ZNF462: variants seen among roughly 807,000 people sequenced by gnomAD.
ZNF462 encodes the protein zinc finger PBX1-interacting protein.
Under a neutral mutation model 201.9 loss-of-function variants are expected in ZNF462, and 10 were observed. That is an observed-to-expected ratio of 0.05 (90% CI 0.03 to 0.08). ZNF462 has a LOEUF of 0.08. Among genes scored for constraint, ZNF462 ranks in the 10% least tolerant of loss-of-function variants. ZNF462 has a pLI of 1.00. For missense variants in ZNF462, 2,523 were observed against 3,168.3 expected (o/e 0.80, Z 4.89); for synonymous variants, 1,227 against 1,193.3 (o/e 1.03, Z -0.58).
Position 106,932,662 on chromosome 9 carries a change from C to G in ZNF462, c.6116+113C>G. ...AAGAAGGCCCCACTCATGGTTCACA[C>G]CTGCTGCTATGTTACCTGGAGCCTC... On this transcript the variant is annotated intron_variant, in intron 5 of 12. Transcript: ENST00000277225. This position sits in a 1 kb window ranked among gnomAD's most constrained non-coding sequence, Gnocchi z 6.8. The G allele has an allele frequency of 7.4e-7, 1 of 1,346,110 alleles. No homozygotes were observed. The highest frequency in any genetic ancestry group is 2.0e-5 in the Admixed American group (1 of 49,226). 83.4% of individuals were successfully genotyped at this position (1,346,110 alleles called of 1,614,324 possible). A position where few individuals can be genotyped will look rare whatever the true frequency, so the allele number is the denominator to read the frequency against.
At position 106,925,640 on chromosome 9, in the gene ZNF462, C is replaced by A; in HGVS notation, c.1728C>A (p.Pro576=). 1 of 1,613,690 alleles carries A rather than the reference C, an allele frequency of 6.2e-7. No individual in the cohort carries two copies. The highest frequency in any genetic ancestry group is 2.2e-5 in the East Asian group (1 of 44,856). ...PQLQPPHQVP[P]QPQTQPPPTQ... is the part of the protein sequence containing the mutation. ...TGCAGCCACCACATCAGGTGCCACC[C>A]CAGCCACAAACACAGCCACCACCAA... Residue 576 remains proline, a synonymous_variant, in exon 3 of 13, where the codon CCC becomes CCA. Transcript: ENST00000277225. This position sits in a 1 kb window ranked among gnomAD's most constrained non-coding sequence, Gnocchi z 7.9.
chr9:106,914,477 G>T (rs1031036565), intron 1 of ZNF462, among the ~76,000 whole-genome samples: 17 of 152,222 alleles, frequency 1.1e-4, no homozygotes, highest in Admixed American at 2.0e-4. Context: ...ATTACCGCTC[G>T]TTGGGACTAC....
chr9:106,980,488 G>T, intron 9 of ZNF462, among the ~76,000 whole-genome samples: 1 of 152,076 alleles, frequency 6.6e-6, no homozygotes, highest in Middle Eastern at 3.2e-3. Context: ...GTTGAATCTG[G>T]GCTCTGCAGT....
At chr9:106,955,074 T>C (rs1199774229) in intron 7 of ZNF462, among the ~76,000 whole-genome samples, 3 of 152,156 alleles carry the variant, frequency 2.0e-5, no homozygotes, top group East Asian at 1.9e-4. Context: ...AATGGACTCA[T>C]GGGCATTTGT....
At chr9:106,868,877 A>G (rs1328875193) in intron 1 of ZNF462, among the ~76,000 whole-genome samples, 1 of 152,180 alleles carries the variant, frequency 6.6e-6, no homozygotes, top group Non-Finnish European at 1.5e-5. Flanking sequence ...GGGCAGGAGT[A>G]TGGATTTTTC....
chr9:106,926,204 T>C lies in ZNF462; in HGVS notation c.2292T>C (p.Asp764=). The C allele has an allele frequency of 6.2e-7, 1 of 1,614,150 alleles. No homozygotes were observed. Among genetic ancestry groups the C allele is most frequent in the Non-Finnish European group, 8.5e-7 (1 of 1,180,024 alleles). The change falls in exon 3 of 13, where the codon GAT becomes GAC. Residue 764 remains aspartate, a synonymous_variant. Transcript: ENST00000277225. The surrounding 1 kb of genome is among the most constrained non-coding windows in gnomAD (Gnocchi z 7.9). ...CTGCCCAACAGATATGGGTAAGAGA[T>C]ACCAGTGAGCCCCAGAAAGAGCCCA... The part of the protein sequence containing the change: ...SFSAQQIWVR[D]TSEPQKEPNF...
At position 106,963,329 on chromosome 9, in the gene ZNF462, A is replaced by G. The variant is rs1235480459; in HGVS notation, c.6428-8676A>G. On this transcript the variant is annotated intron_variant, in intron 7 of 12. Transcript: ENST00000277225. This position sits in a 1 kb window ranked among gnomAD's most constrained non-coding sequence, Gnocchi z 4.7. Reference sequence around the variant, plus strand: ...ATAGCTCTGTGTTACACACTGTTTTAATAACTTAAAACAATATATATGTAT... The same window carrying G: ...ATAGCTCTGTGTTACACACTGTTTTGATAACTTAAAACAATATATATGTAT... Among the ~76,000 whole-genome samples the G allele has an allele frequency of 1.3e-5, 2 of 152,102 alleles. No homozygotes were observed. Among genetic ancestry groups the G allele is most frequent in the Non-Finnish European group, 2.9e-5 (2 of 67,980 alleles).
At position 106,935,055 on chromosome 9, in the gene ZNF462, A is replaced by C. The variant is rs1337585015; in HGVS notation, c.6117-448A>C. Among the ~76,000 whole-genome samples the C allele has an allele frequency of 1.3e-5, 2 of 152,242 alleles. No individual in the cohort carries two copies. The highest frequency in any genetic ancestry group is 3.8e-4 in the East Asian group (2 of 5,198). Reference sequence around the variant, plus strand: ...CACAATGAAAGTAGAATTAGAATTCAAAAAGAAAGTCAGCTCTTTTCAAAT... The same window carrying C: ...CACAATGAAAGTAGAATTAGAATTCCAAAAGAAAGTCAGCTCTTTTCAAAT... On this transcript the variant is annotated intron_variant, in intron 5 of 12. Coordinates refer to ENST00000277225, the MANE Select transcript of ZNF462 (RefSeq NM_021224.6). This position sits in a 1 kb window ranked among gnomAD's most constrained non-coding sequence, Gnocchi z 4.1.
intron 1 of ZNF462, among the ~76,000 whole-genome samples, chr9:106,921,812 C>G (rs1313092259): frequency 6.6e-6 from 1 of 152,226 alleles, no homozygotes; most frequent in Non-Finnish European, 1.5e-5. Context: ...ATAGCAACCT[C>G]TTCCACACAA....
In ZNF462 at chr9:106,930,866, T is replaced by C. The variant is rs1830395959; in HGVS notation, c.6012+177T>C. ...GCAGGTTGGACCTTCCTCATCTTTCTGTTCAGGGAAAGGTCGAGTTTCGAT... is the reference window on the plus strand; with the variant it reads ...GCAGGTTGGACCTTCCTCATCTTTCCGTTCAGGGAAAGGTCGAGTTTCGAT... On this transcript the variant is annotated intron_variant, in intron 4 of 12. Transcript: ENST00000277225. The surrounding 1 kb of genome is among the most constrained non-coding windows in gnomAD (Gnocchi z 5.8). 1 of 711,244 alleles carries C rather than the reference T, an allele frequency of 1.4e-6. No individual in the cohort carries two copies. Among genetic ancestry groups the C allele is most frequent in the South Asian group, 2.0e-5 (1 of 49,264 alleles). The allele number at this position is 711,244 out of a possible 1,614,324, so 44.1% of individuals were successfully genotyped here.
In ZNF462 at chr9:106,930,419, C is replaced by G; in HGVS notation, c.5848-106C>G. ...CGCCTATATCTCCCTTGGTTTTTAA[C>G]CTGCTAATCGGCTTTAAAATAAAGT... On this transcript the variant is annotated intron_variant, in intron 3 of 12. Coordinates refer to ENST00000277225, the MANE Select transcript of ZNF462 (RefSeq NM_021224.6). This position sits in a 1 kb window ranked among gnomAD's most constrained non-coding sequence, Gnocchi z 5.8. The G allele has an allele frequency of 7.0e-7, 1 of 1,427,432 alleles. No homozygotes were observed. Among genetic ancestry groups the G allele is most frequent in the Non-Finnish European group, 9.4e-7 (1 of 1,058,380 alleles). 88.4% of individuals were successfully genotyped at this position (1,427,432 alleles called of 1,614,324 possible). A position where few individuals can be genotyped will look rare whatever the true frequency, so the allele number is the denominator to read the frequency against.
intron 7 of ZNF462, among the ~76,000 whole-genome samples, chr9:106,946,406 C>A (rs933296484): frequency 2.0e-5 from 3 of 152,120 alleles, no homozygotes; most frequent in Non-Finnish European, 4.4e-5. Context: ...TTCAAATTTT[C>A]TGTCCCTGGA....
intron 7 of ZNF462, among the ~76,000 whole-genome samples, chr9:106,939,873 G>A (rs190338582): frequency 6.6e-6 from 1 of 152,200 alleles, no homozygotes; most frequent in South Asian, 2.1e-4. Flanking sequence ...TGCAGAATCA[G>A]CTGCTTAGAA....
At chr9:106,995,956 C>A (rs190579343) in intron 10 of ZNF462, among the ~76,000 whole-genome samples, 103 of 152,288 alleles carry the variant, frequency 6.8e-4, no homozygotes, top group Non-Finnish European at 1.1e-3. Context: ...CTAATGCTAT[C>A]CCTTCCCTCT....
chr9:106,884,424 A>G (rs1024426672), intron 1 of ZNF462, among the ~76,000 whole-genome samples: 1 of 151,896 alleles, frequency 6.6e-6, no homozygotes, highest in Non-Finnish European at 1.5e-5. Flanking sequence ...CCTTCAGAGC[A>G]CCTTAAGGGT....
In ZNF462 at chr9:106,870,072, G is replaced by A. The variant is rs4743034; in HGVS notation, c.-31+6717G>A. Among the ~76,000 whole-genome samples the A allele has an allele frequency of 0.27, 41,354 of 152,078 alleles. 6,307 individuals carry two copies. The highest frequency in any genetic ancestry group is 0.41 in the African/African-American group (17,156 of 41,436). On this transcript the variant is annotated intron_variant, in intron 1 of 12. Transcript: ENST00000277225. The surrounding 1 kb of genome is among the most constrained non-coding windows in gnomAD (Gnocchi z 4.3). ...CTCCTATTCTCATCAGCTGAAGCAC[G>A]TACAGGATTTTTAAAGTGTTTGGAT...
chr9:106,960,399 GC>G (rs1831776901), intron 7 of ZNF462, among the ~76,000 whole-genome samples: 1 of 152,144 alleles, frequency 6.6e-6, no homozygotes, highest in South Asian at 2.1e-4. Context: ...CGGCCTGTGA[GC>G]TCTAAATACC....
Position 106,925,078 on chromosome 9 carries a change from A to G in ZNF462, c.1166A>G (p.Asp389Gly). The G allele has an allele frequency of 3.1e-6, 5 of 1,614,216 alleles. No homozygotes were observed. Among genetic ancestry groups the G allele is most frequent in the Non-Finnish European group, 4.2e-6 (5 of 1,180,046 alleles). ...AGCATGCTAAATGACTCTAGTTCTG[A>G]TGAAGAGTTAAATGAAATAGACAGT... ...TNSMLNDSSS[D>G]EELNEIDSEN... The change falls in exon 3 of 13, where the codon GAT (aspartate) becomes GGT (glycine). Residue 389 changes from aspartate (D) to glycine (G), a missense_variant. Physicochemically the swap from Asp to Gly is moderately conservative, Grantham distance 94. Transcript: ENST00000277225. This position sits in a 1 kb window ranked among gnomAD's most constrained non-coding sequence, Gnocchi z 7.9.
At position 107,003,395 on chromosome 9, in the gene ZNF462, A is replaced by G. The variant is rs776817762; in HGVS notation, c.7158A>G (p.Glu2386=). The G allele has an allele frequency of 2.5e-6, 4 of 1,613,664 alleles. No individual in the cohort carries two copies. The African/African-American group carries it at 5.3e-5, about 22-fold the overall frequency. ...CCAGCAGCGATGATGAGGACAAGGAAGAAGAAATGAACAGCAAGGCTGAAG... is the reference window on the plus strand; with the variant it reads ...CCAGCAGCGATGATGAGGACAAGGAGGAAGAAATGAACAGCAAGGCTGAAG... ...ESSSSDDEDK[E]EEMNSKAEDR... Residue 2386 remains glutamate (E), a synonymous_variant, in exon 11 of 13, where the codon GAA becomes GAG. Transcript: ENST00000277225. This position sits in a 1 kb window ranked among gnomAD's most constrained non-coding sequence, Gnocchi z 4.4.
Sources: gnomAD v4.1 joint callset for allele counts (sites outside exome capture counted in the v4.1 genomes callset) on GRCh38, gnomAD v4.1.1 for gene constraint, Gnocchi (gnomAD v3.1) non-coding constraint, MANE v1.5 for transcripts, NCBI Gene and HGNC (gene_info 2026-07-23, HGNC 2026-07-21) for gene names.